LYRM4: variants seen among roughly 807,000 people sequenced by gnomAD.
LYRM4 encodes the protein LYR motif-containing protein 4.
A neutral mutation model predicts 11.7 loss-of-function variants in LYRM4; 9 were observed. The observed-to-expected ratio is 0.77, with a 90% CI of 0.46 to 1.34. The LOEUF is 1.34. Among genes scored for constraint, LYRM4 ranks in the 40% most tolerant of loss-of-function variants. LYRM4 has a pLI of 0.00. For synonymous variants in LYRM4, 42 were observed against 40.4 expected (o/e 1.04, Z -0.15); for missense variants, 133 against 112.5 (o/e 1.18, Z -0.82).
At chr6:5,183,062 C>T (rs1760170196) in intron 2 of LYRM4, among the ~76,000 whole-genome samples, 1 of 152,128 alleles carries the variant, frequency 6.6e-6, no homozygotes, top group East Asian at 1.9e-4. Context: ...TTTTTCTTCC[C>T]TTCACCCCAC....
chr6:5,214,527 T>A (rs34910905), intron 2 of LYRM4, among the ~76,000 whole-genome samples: 2,088 of 152,274 alleles, frequency 0.014, 49 homozygotes, highest in African/African-American at 0.046. Context: ...TTGAAAAAGA[T>A]CACTGTGGTG....
chr6:5,050,698 G>A, the LYRM4 span, among the ~76,000 whole-genome samples: 1 of 152,288 alleles, frequency 6.6e-6, no homozygotes, highest in Middle Eastern at 3.4e-3. Flanking sequence ...TTACAGTTAA[G>A]GCTGAACTTT....
the LYRM4 span, among the ~76,000 whole-genome samples, chr6:5,052,600 G>C: frequency 6.6e-6 from 1 of 152,132 alleles, no homozygotes; most frequent in Admixed American, 6.6e-5. Flanking sequence ...GTCTGGCCCA[G>C]TGTATAACTT....
At chr6:5,143,000 G>A (rs1230791750) in intron 2 of LYRM4, among the ~76,000 whole-genome samples, 1 of 152,194 alleles carries the variant, frequency 6.6e-6, no homozygotes, top group African/African-American at 2.4e-5. Flanking sequence ...GCCCTACTCT[G>A]ACTCCCCACG....
intron 2 of LYRM4, among the ~76,000 whole-genome samples, chr6:5,165,077 A>G (rs983683689): frequency 5.2e-4 from 79 of 152,104 alleles, no homozygotes; most frequent in African/African-American, 1.9e-3. Flanking sequence ...AGTACTTTTG[A>G]ATATTATATC....
intron 1 of LYRM4, among the ~76,000 whole-genome samples, chr6:5,221,470 G>A (rs1032044437): frequency 5.9e-5 from 9 of 152,132 alleles, no homozygotes; most frequent in African/African-American, 1.9e-4. Flanking sequence ...CAAGGCGGGC[G>A]GATCACGAGG....
the LYRM4 span, among the ~76,000 whole-genome samples, chr6:5,073,141 G>A: frequency 0.031 from 4,785 of 152,168 alleles, 110 homozygotes; most frequent in Non-Finnish European, 0.048. Flanking sequence ...TTGGGAGGCC[G>A]AGGCGGGCAG....
intron 2 of LYRM4, among the ~76,000 whole-genome samples, chr6:5,154,310 C>G (rs1003489439): frequency 1.3e-5 from 2 of 152,296 alleles, no homozygotes; most frequent in African/African-American, 4.8e-5. Flanking sequence ...CCATATAACA[C>G]CTGCAAACTG....
chr6:5,062,081 C>CTTTTTTTT, the LYRM4 span, among the ~76,000 whole-genome samples: 7 of 117,260 alleles, frequency 6.0e-5, no homozygotes, highest in Non-Finnish European at 8.8e-5. Flanking sequence ...CTTCCTTCTT[C>CTTTTTTTT]TTTTTTTTTT....
intron 1 of LYRM4, among the ~76,000 whole-genome samples, chr6:5,227,798 C>G (rs909843691): frequency 6.6e-6 from 1 of 152,136 alleles, no homozygotes; most frequent in African/African-American, 2.4e-5. Context: ...GAATACTAAA[C>G]AGTTATAAAA....
chr6:5,214,249 A>C (rs199944642), intron 2 of LYRM4, among the ~76,000 whole-genome samples: 1 of 104,122 alleles, frequency 9.6e-6, no homozygotes, highest in Middle Eastern at 6.1e-3. Context: ...GTGTGGTCCC[A>C]GGGGGGCCCC....
At chr6:5,057,535 G>A in the LYRM4 span, among the ~76,000 whole-genome samples, 23 of 151,676 alleles carry the variant, frequency 1.5e-4, no homozygotes, top group African/African-American at 5.3e-4. Flanking sequence ...TGGCCAAGAT[G>A]GTGAAACCCC....
chr6:5,069,694 T>C, the LYRM4 span, among the ~76,000 whole-genome samples: 1 of 152,310 alleles, frequency 6.6e-6, no homozygotes, highest in Non-Finnish European at 1.5e-5. Flanking sequence ...TTGGCCAGGC[T>C]GGTCTCGATC....
the LYRM4 span, chr6:5,086,077 C>T: frequency 1.4e-6 from 2 of 1,468,862 alleles, no homozygotes; most frequent in Non-Finnish European, 1.8e-6. Context: ...TTCCCGGCTC[C>T]GGCCGCTCTT....
chr6:5,172,558 T>A, intron 2 of LYRM4, among the ~76,000 whole-genome samples: 1 of 152,090 alleles, frequency 6.6e-6, no homozygotes, highest in East Asian at 1.9e-4. Flanking sequence ...TGTTCTCACA[T>A]CCTGGACCTG....
downstream of LYRM4, chr6:5,104,090 T>A (rs890069716): frequency 6.6e-6 from 1 of 152,192 alleles, no homozygotes; most frequent in African/African-American, 2.4e-5. Flanking sequence ...AGGCAGCCAA[T>A]ATATAGAGCA....
chr6:5,257,610 G>A (rs1764740156), intron 1 of LYRM4, among the ~76,000 whole-genome samples: 1 of 152,180 alleles, frequency 6.6e-6, no homozygotes, highest in African/African-American at 2.4e-5. Context: ...TGCGCATTAT[G>A]GCCTGAGCTC....
chr6:5,148,176 C>G (rs987848728), intron 2 of LYRM4: 1 of 151,462 alleles, frequency 6.6e-6, no homozygotes, highest in Non-Finnish European at 1.5e-5. Flanking sequence ...CGTCTTACAG[C>G]TGGTTGTGTT....
chr6:5,062,011 C>A, the LYRM4 span, among the ~76,000 whole-genome samples: 1 of 150,310 alleles, frequency 6.7e-6, no homozygotes, highest in Non-Finnish European at 1.5e-5. Context: ...TTGCCATTTT[C>A]TTCCTTCTAT....
Sources: gnomAD v4.1 joint callset for allele counts (sites outside exome capture counted in the v4.1 genomes callset) on GRCh38, gnomAD v4.1.1 for gene constraint, MANE v1.5 for transcripts, NCBI Gene and HGNC (gene_info 2026-07-23, HGNC 2026-07-21) for gene names.